AKR1C8: variants seen among roughly 807,000 people sequenced by gnomAD.
AKR1C8 encodes the protein aldo-keto reductase family 1 member C-like protein 1.
At chr10:5,151,407 C>T in the AKR1C8 span, among the ~76,000 whole-genome samples, 1 of 152,092 alleles carries the variant, frequency 6.6e-6, no homozygotes, top group Admixed American at 6.6e-5. Context: ...AAACTAAGTT[C>T]CCCCAAAAGT....
At chr10:5,121,110 G>C in the AKR1C8 span, among the ~76,000 whole-genome samples, 2 of 151,916 alleles carry the variant, frequency 1.3e-5, no homozygotes, top group Non-Finnish European at 2.9e-5. Flanking sequence ...TAAAATCTCT[G>C]TCGGGTGCAA....
At chr10:5,146,181 C>A in the AKR1C8 span, among the ~76,000 whole-genome samples, 1 of 125,356 alleles carries the variant, frequency 8.0e-6, no homozygotes, top group African/African-American at 3.2e-5. Context: ...GGGAACATCA[C>A]ACTCTGGGGG....
At chr10:5,171,031 T>A in the AKR1C8 span, among the ~76,000 whole-genome samples, 2 of 152,150 alleles carry the variant, frequency 1.3e-5, no homozygotes, top group Non-Finnish European at 2.9e-5. Context: ...TACAATACTT[T>A]AAGCAAAATG....
the AKR1C8 span, among the ~76,000 whole-genome samples, chr10:5,156,848 A>G: frequency 1.3e-5 from 2 of 152,210 alleles, no homozygotes; most frequent in Non-Finnish European, 2.9e-5. Flanking sequence ...TCTTGTAAAT[A>G]TTAAACTCAT....
chr10:5,130,645 G>A, the AKR1C8 span, among the ~76,000 whole-genome samples: 1 of 151,844 alleles, frequency 6.6e-6, no homozygotes, highest in Non-Finnish European at 1.5e-5. Context: ...CATGCTGAGA[G>A]TCAAATTAAG....
At chr10:5,171,080 C>G in the AKR1C8 span, among the ~76,000 whole-genome samples, 36 of 152,184 alleles carry the variant, frequency 2.4e-4, no homozygotes, top group Non-Finnish European at 3.7e-4. Flanking sequence ...ATTTATGCAG[C>G]TAATTCCTGT....
the AKR1C8 span, among the ~76,000 whole-genome samples, chr10:5,124,610 A>C: frequency 1.3e-5 from 2 of 152,208 alleles, no homozygotes; most frequent in Admixed American, 1.3e-4. Flanking sequence ...TAAAACATTA[A>C]ATTTTAAACA....
the AKR1C8 span, among the ~76,000 whole-genome samples, chr10:5,128,915 T>C: frequency 3.9e-5 from 6 of 152,030 alleles, no homozygotes; most frequent in African/African-American, 1.4e-4. Context: ...GGATTTAACA[T>C]ACTATAGAAA....
chr10:5,154,425 G>T, the AKR1C8 span: 3 of 240,016 alleles, frequency 1.2e-5, no homozygotes, highest in Admixed American at 4.8e-5. Context: ...TAAAATTACT[G>T]TTTGTTTTCC....
chr10:5,183,087 G>C, the AKR1C8 span, among the ~76,000 whole-genome samples: 1 of 151,930 alleles, frequency 6.6e-6, no homozygotes, highest in Non-Finnish European at 1.5e-5. Flanking sequence ...TTAAATTCTA[G>C]TCTCACTAAT....
At chr10:5,182,239 C>G in the AKR1C8 span, among the ~76,000 whole-genome samples, 1 of 152,036 alleles carries the variant, frequency 6.6e-6, no homozygotes, top group Non-Finnish European at 1.5e-5. Flanking sequence ...CAATAAAAAT[C>G]CATTTTCTTT....
the AKR1C8 span, among the ~76,000 whole-genome samples, chr10:5,179,081 C>G: frequency 6.6e-6 from 1 of 152,170 alleles, no homozygotes; most frequent in Non-Finnish European, 1.5e-5. Flanking sequence ...CCTCGATGGT[C>G]TTTACAATTT....
chr10:5,160,783 T>C, the AKR1C8 span: 3 of 470,974 alleles, frequency 6.4e-6, no homozygotes, highest in Admixed American at 7.0e-5. Context: ...CACTACACAG[T>C]GCTGCCTGGT....
chr10:5,184,087 G>A, the AKR1C8 span, among the ~76,000 whole-genome samples: 1 of 152,020 alleles, frequency 6.6e-6, no homozygotes, highest in Non-Finnish European at 1.5e-5. Flanking sequence ...ACTGCTCCTG[G>A]GCCAAGGTCC....
the AKR1C8 span, among the ~76,000 whole-genome samples, chr10:5,143,482 G>A: frequency 6.6e-6 from 1 of 152,022 alleles, no homozygotes; most frequent in Non-Finnish European, 1.5e-5. Flanking sequence ...GTTGGAATTG[G>A]CCATGGCACT....
At chr10:5,144,175 G>A in the AKR1C8 span, among the ~76,000 whole-genome samples, 1 of 152,110 alleles carries the variant, frequency 6.6e-6, no homozygotes, top group Non-Finnish European at 1.5e-5. Flanking sequence ...TCAAAGATCA[G>A]ATAGTTGTAG....
At chr10:5,142,919 A>T in the AKR1C8 span, among the ~76,000 whole-genome samples, 8 of 152,058 alleles carry the variant, frequency 5.3e-5, 1 homozygote, top group African/African-American at 1.4e-4. Flanking sequence ...TTCCTTTTTT[A>T]AAAAAATACA....
chr10:5,119,843 C>T, the AKR1C8 span, among the ~76,000 whole-genome samples: 23 of 152,118 alleles, frequency 1.5e-4, no homozygotes, highest in South Asian at 4.1e-4. Flanking sequence ...AATTCTTTTC[C>T]CACTCTGCGA....
chr10:5,117,853 G>T, the AKR1C8 span, among the ~76,000 whole-genome samples: 13,018 of 152,130 alleles, frequency 0.086, 677 homozygotes, highest in Admixed American at 0.14. Context: ...GTTACTGCAG[G>T]GAGAGCACCA....
Sources: gnomAD v4.1 joint callset for allele counts (sites outside exome capture counted in the v4.1 genomes callset) on GRCh38, gnomAD v4.1.1 for gene constraint, MANE v1.5 for transcripts, NCBI Gene and HGNC (gene_info 2026-07-23, HGNC 2026-07-21) for gene names.